CSMD1: variants seen among roughly 807,000 people sequenced by gnomAD.
The protein encoded by CSMD1 is CUB and Sushi multiple domains 1.
CSMD1 carries 213 observed loss-of-function variants against 417.5 expected under a neutral mutation model. The ratio of observed to expected loss-of-function variants is 0.51; its 90% CI spans 0.46 to 0.57. CSMD1 has a LOEUF of 0.57. Ranked by LOEUF, CSMD1 falls within the 20% of genes least tolerant of loss-of-function variation. CSMD1 has a pLI of 0.00. For synonymous variants in CSMD1, 2,862 were observed against 1,736.8 expected (o/e 1.65, Z -16.11); for missense variants, 6,923 against 4,529.7 (o/e 1.53, Z -15.17).
chr8:4,451,218 C>A (rs1368280684), intron 2 of CSMD1, among the ~76,000 whole-genome samples: 1 of 152,078 alleles, frequency 6.6e-6, no homozygotes, highest in East Asian at 1.9e-4. Context: ...GTAGTCTCAA[C>A]TACTTGGGAG....
At chr8:3,257,418 A>T (rs938091791) in intron 26 of CSMD1, among the ~76,000 whole-genome samples, 4 of 152,238 alleles carry the variant, frequency 2.6e-5, no homozygotes, top group African/African-American at 9.6e-5. Context: ...TTCCTTGTGG[A>T]GGTTAGATTC....
chr8:3,053,910 C>T (rs1208881853), intron 49 of CSMD1, among the ~76,000 whole-genome samples: 1 of 152,190 alleles, frequency 6.6e-6, no homozygotes, highest in Admixed American at 6.5e-5. Context: ...GATTTAAATT[C>T]AGATAGTTCA....
At chr8:3,798,772 ATGTT>A (rs1276350498) in intron 5 of CSMD1, among the ~76,000 whole-genome samples, 15 of 152,014 alleles carry the variant, frequency 9.9e-5, no homozygotes, top group Admixed American at 7.9e-4. Flanking sequence ...TTTTTTTACT[ATGTT>A]TGTATTTAAT....
chr8:3,984,449 T>C (rs974941577), intron 5 of CSMD1, among the ~76,000 whole-genome samples: 18 of 152,042 alleles, frequency 1.2e-4, no homozygotes, highest in African/African-American at 2.9e-4. Flanking sequence ...GAGAGGCACA[T>C]TGATATATGT....
chr8:4,097,174 T>C (rs908167019), intron 3 of CSMD1, among the ~76,000 whole-genome samples: 1 of 152,176 alleles, frequency 6.6e-6, no homozygotes, highest in Non-Finnish European at 1.5e-5. Context: ...CCATTATATA[T>C]GCTCAATAAG....
At chr8:3,180,795 A>G (rs1378024650) in intron 37 of CSMD1, among the ~76,000 whole-genome samples, 4 of 151,586 alleles carry the variant, frequency 2.6e-5, no homozygotes, top group Non-Finnish European at 5.9e-5. Context: ...ATGCCCAGCT[A>G]ATTTTTTTTT....
chr8:3,971,368 T>C (rs757707347), intron 5 of CSMD1, among the ~76,000 whole-genome samples: 1 of 152,132 alleles, frequency 6.6e-6, no homozygotes, highest in Non-Finnish European at 1.5e-5. Flanking sequence ...GTTCTGAAAA[T>C]ATAAATGACG....
chr8:3,483,311 G>C (rs1817848449), intron 11 of CSMD1, among the ~76,000 whole-genome samples: 1 of 152,058 alleles, frequency 6.6e-6, no homozygotes, highest in South Asian at 2.1e-4. Context: ...TATTACTACA[G>C]ATTCATCAGC....
rs79384251 is a variant in CSMD1, at chr8:4,217,856, G to C, written c.416-185757C>G. ...AAATGCAAAAAGAAAATGTGAAAAG[G>C]TGAGCCAGAAAGGAAACATAAGAGG... is the stretch of plus-strand genomic sequence containing the variant. On this transcript the variant is annotated intron_variant, in intron 3 of 69. Coordinates refer to ENST00000635120, the MANE Select transcript of CSMD1 (RefSeq NM_033225.6). Among the ~76,000 whole-genome samples the C allele has an allele frequency of 9.2e-5, 14 of 152,256 alleles. No homozygotes were observed. The East Asian group carries it at 2.7e-3, about 29-fold the overall frequency.
intron 49 of CSMD1, among the ~76,000 whole-genome samples, chr8:3,073,562 T>A (rs1173298315): frequency 6.6e-6 from 1 of 152,162 alleles, no homozygotes; most frequent in South Asian, 2.1e-4. Flanking sequence ...CATTCAAACT[T>A]TAGAAAAATA....
chr8:3,928,660 AAAG>A (rs1328617087), intron 5 of CSMD1, among the ~76,000 whole-genome samples: 1 of 144,940 alleles, frequency 6.9e-6, no homozygotes, highest in Non-Finnish European at 1.5e-5. Flanking sequence ...AAAATGGTTT[AAAG>A]AAGGTATAGA....
chr8:3,608,129 G>A (rs1413324178), intron 8 of CSMD1, among the ~76,000 whole-genome samples: 1 of 149,478 alleles, frequency 6.7e-6, no homozygotes, highest in Non-Finnish European at 1.5e-5. Context: ...AGCCAAGATT[G>A]TGCCACTGCC....
chr8:4,255,783 C>T (rs749941041), intron 3 of CSMD1, among the ~76,000 whole-genome samples: 15 of 152,088 alleles, frequency 9.9e-5, no homozygotes, highest in Non-Finnish European at 1.3e-4. Flanking sequence ...TAAAGAAAAC[C>T]CCAGCTCCAT....
intron 1 of CSMD1, among the ~76,000 whole-genome samples, chr8:4,827,057 G>C (rs773791805): frequency 5.3e-5 from 8 of 152,022 alleles, no homozygotes; most frequent in Non-Finnish European, 8.8e-5. Flanking sequence ...AACAGACTAA[G>C]AACAGGGAAA....
intron 7 of CSMD1, among the ~76,000 whole-genome samples, chr8:3,660,454 T>C (rs1198312731): frequency 1.4e-5 from 2 of 146,034 alleles, no homozygotes; most frequent in Non-Finnish European, 3.0e-5. Context: ...AGAATTTATA[T>C]GTAAACTAGG....
In CSMD1 at chr8:3,621,884, C is replaced by T. The variant is rs1796260224; in HGVS notation, c.1010-5087G>A. ...TCGACGTCCCAAAGTGCTGGAATTA[C>T]AGTAAGTTATCGTGTCCAACCAGAA... On this transcript the variant is annotated intron_variant, in intron 7 of 69. Coordinates refer to ENST00000635120, the MANE Select transcript of CSMD1 (RefSeq NM_033225.6). Among the ~76,000 whole-genome samples the T allele has an allele frequency of 1.3e-5, 2 of 151,980 alleles. 1 individual carries two copies. The highest frequency in any genetic ancestry group is 4.2e-4 in the South Asian group (2 of 4,812).
chr8:3,545,787 T>C (rs995586428), intron 10 of CSMD1, among the ~76,000 whole-genome samples: 1 of 152,212 alleles, frequency 6.6e-6, no homozygotes. Flanking sequence ...GTTAAAAAAA[T>C]AGTCACATTC....
rs150697167 is a variant in CSMD1, at chr8:4,218,945, G to A, written c.416-186846C>T. ...CCCTTGGGGTCATTCTCTGAGCAAT[G>A]CTATTTTTTCCAACGTATGTCTAAT... On this transcript the variant is annotated intron_variant, in intron 3 of 69. Transcript: ENST00000635120. Among the ~76,000 whole-genome samples, 283 of 152,234 alleles carry A rather than the reference G, an allele frequency of 1.9e-3. 2 individuals carry two copies. The highest frequency in any genetic ancestry group is 6.6e-3 in the African/African-American group (273 of 41,532).
intron 1 of CSMD1, among the ~76,000 whole-genome samples, chr8:4,821,048 A>G (rs1027868216): frequency 1.3e-5 from 2 of 152,112 alleles, no homozygotes; most frequent in Non-Finnish European, 2.9e-5. Context: ...CACACCAAGA[A>G]GAACAATGTG....
Sources: gnomAD v4.1 joint callset for allele counts (sites outside exome capture counted in the v4.1 genomes callset) on GRCh38, gnomAD v4.1.1 for gene constraint, MANE v1.5 for transcripts, NCBI Gene and HGNC (gene_info 2026-07-23, HGNC 2026-07-21) for gene names.